The following GRID2 variants were observed in gnomAD, a reference collection of about 807,000 sequenced individuals.
GRID2 encodes the protein glutamate ionotropic receptor delta type subunit 2, also known as glutamate receptor ionotropic, delta-2.
Under a neutral mutation model 114.8 loss-of-function variants are expected in GRID2, and 33 were observed. That is an observed-to-expected ratio of 0.29 (90% CI 0.22 to 0.38). The LOEUF is 0.38. Among genes scored for constraint, GRID2 ranks in the 10% least tolerant of loss-of-function variants. The pLI is 1.00. For synonymous variants in GRID2, 505 were observed against 449.9 expected, an observed-to-expected ratio of 1.12 and a Z score of -1.55; for missense variants, 1,184 against 1,257.7, an observed-to-expected ratio of 0.94 and a Z score of 0.89.
At chr4:92,714,473 G>A (rs1416168579) in intron 2 of GRID2, among the ~76,000 whole-genome samples, 2 of 152,188 alleles carry the variant, frequency 1.3e-5, no homozygotes, top group African/African-American at 4.8e-5. Context: ...CCACTAGGCA[G>A]TGCCCCAGTG....
intron 6 of GRID2, among the ~76,000 whole-genome samples, chr4:93,218,766 GT>G (rs1273297464): frequency 6.6e-6 from 1 of 152,088 alleles, no homozygotes; most frequent in Non-Finnish European, 1.5e-5. Flanking sequence ...CAGGGAAGAG[GT>G]TTAATTTACT....
At chr4:93,505,616 A>G (rs2149479296) in intron 12 of GRID2, among the ~76,000 whole-genome samples, 1 of 148,694 alleles carries the variant, frequency 6.7e-6, no homozygotes, top group East Asian at 2.0e-4. Flanking sequence ...ATTTTATTAG[A>G]TATCATACAC....
intron 1 of GRID2, among the ~76,000 whole-genome samples, chr4:92,556,063 A>G (rs1336834421): frequency 6.6e-6 from 1 of 152,178 alleles, no homozygotes; most frequent in Admixed American, 6.5e-5. Context: ...TGTAATCTCC[A>G]GGGAAAACTG....
At chr4:93,251,118 A>G (rs562355832) in intron 8 of GRID2, among the ~76,000 whole-genome samples, 1 of 152,212 alleles carries the variant, frequency 6.6e-6, no homozygotes, top group African/African-American at 2.4e-5. Context: ...AAGAAACATT[A>G]TTTCTAGCTA....
intron 13 of GRID2, among the ~76,000 whole-genome samples, chr4:93,528,011 T>G (rs1198047428): frequency 6.6e-6 from 1 of 152,160 alleles, no homozygotes; most frequent in Non-Finnish European, 1.5e-5. Context: ...TCCTCTAGGT[T>G]CATCTACATT....
At chr4:92,748,356 C>A (rs1250906381) in intron 2 of GRID2, among the ~76,000 whole-genome samples, 1 of 152,076 alleles carries the variant, frequency 6.6e-6, no homozygotes, top group African/African-American at 2.4e-5. Context: ...CATGGAGGAC[C>A]AGCGACACCA....
intron 4 of GRID2, among the ~76,000 whole-genome samples, chr4:93,153,360 T>C (rs537752349): frequency 6.6e-6 from 1 of 152,080 alleles, no homozygotes; most frequent in South Asian, 2.1e-4. Flanking sequence ...ATTTGCCAAA[T>C]CAGGTAATTT....
chr4:92,308,149 A>G (rs1725511118), intron 1 of GRID2, among the ~76,000 whole-genome samples: 1 of 152,188 alleles, frequency 6.6e-6, no homozygotes, highest in Non-Finnish European at 1.5e-5. Context: ...TAAACACAAC[A>G]GGAGTTTAGA....
At chr4:92,645,823 G>A (rs1335788410) in intron 2 of GRID2, among the ~76,000 whole-genome samples, 4 of 151,676 alleles carry the variant, frequency 2.6e-5, no homozygotes, top group Middle Eastern at 3.4e-3. Flanking sequence ...TTATTTCCCC[G>A]TAAGAATTAG....
rs571092494 is a variant in GRID2, at chr4:92,639,688, G to A, written c.244+49402G>A. Among the ~76,000 whole-genome samples, 3 of 151,738 alleles carry A rather than the reference G, an allele frequency of 2.0e-5. No individual in the cohort carries two copies. In the South Asian group the frequency reaches 6.2e-4, roughly 32 times the overall value. On this transcript the variant is annotated intron_variant, in intron 2 of 15. Transcript: ENST00000282020. ...TGATGAGAAATGACTTCATGGATAC[G>A]ACGTGGATTATTGCCATGATATATA...
chr4:92,934,438 A>G (rs1189180545), intron 2 of GRID2, among the ~76,000 whole-genome samples: 2 of 147,292 alleles, frequency 1.4e-5, no homozygotes, highest in African/African-American at 4.9e-5. Flanking sequence ...GGCTGAGACA[A>G]TGGGGTTTTC....
intron 15 of GRID2, among the ~76,000 whole-genome samples, chr4:93,770,570 G>A (rs1560992873): frequency 1.3e-5 from 2 of 152,136 alleles, no homozygotes; most frequent in Non-Finnish European, 2.9e-5. Flanking sequence ...ATGAATTTTA[G>A]CTTCCTACCT....
chr4:92,353,110 A>G (rs562544663), intron 1 of GRID2, among the ~76,000 whole-genome samples: 3 of 151,048 alleles, frequency 2.0e-5, no homozygotes, highest in African/African-American at 7.3e-5. Context: ...AAGTTCACTA[A>G]CTCTTTTGCC....
At chr4:93,403,706 A>G (rs1259897191) in intron 9 of GRID2, among the ~76,000 whole-genome samples, 2 of 152,128 alleles carry the variant, frequency 1.3e-5, no homozygotes, top group Admixed American at 6.6e-5. Flanking sequence ...GGATGGCTAT[A>G]TTCAAAATGA....
intron 2 of GRID2, among the ~76,000 whole-genome samples, chr4:92,863,120 TTTTC>T (rs1744643175): frequency 6.6e-6 from 1 of 152,122 alleles, no homozygotes; most frequent in Admixed American, 6.6e-5. Context: ...ACTTTAGAGT[TTTTC>T]TGTCTGATGA....
chr4:93,351,728 T>A (rs1214634317), intron 8 of GRID2, among the ~76,000 whole-genome samples: 2 of 151,542 alleles, frequency 1.3e-5, no homozygotes, highest in Non-Finnish European at 3.0e-5. Flanking sequence ...ATTATGTGAA[T>A]ATTTTATAGA....
Position 93,311,891 on chromosome 4 carries a change from CAG to C in GRID2, c.1245+73405_1245+73406del, listed in dbSNP as rs565411661. On this transcript the variant is annotated intron_variant, in intron 8 of 15. Transcript: ENST00000282020. ...TTGGTGATGTTATTGAGGCAAAAAA[CAG>C]AGAAGGTTGAAAAGTAGTGAATGGA... Among the ~76,000 whole-genome samples the C allele has an allele frequency of 3.0e-4, 46 of 151,966 alleles. No homozygotes were observed. The East Asian group carries it at 8.3e-3, about 27-fold the overall frequency.
chr4:93,047,338 A>G (rs1028968213), intron 2 of GRID2, among the ~76,000 whole-genome samples: 2 of 152,124 alleles, frequency 1.3e-5, no homozygotes, highest in Admixed American at 1.3e-4. Flanking sequence ...GTTAACAATA[A>G]TGTGTCAATA....
chr4:92,878,223 A>G (rs1187805779), intron 2 of GRID2, among the ~76,000 whole-genome samples: 1 of 152,176 alleles, frequency 6.6e-6, no homozygotes, highest in Non-Finnish European at 1.5e-5. Flanking sequence ...GCATTACATT[A>G]ATTCTCCATT....
Sources: allele counts gnomAD v4.1 joint callset (sites outside exome capture counted in the v4.1 genomes callset), GRCh38; gene constraint gnomAD v4.1.1; transcripts MANE v1.5; gene names NCBI Gene and HGNC (gene_info 2026-07-23, HGNC 2026-07-21).